The following TOMM70 variants were observed in gnomAD, a reference collection of about 807,000 sequenced individuals.
The protein encoded by TOMM70 is translocase of outer mitochondrial membrane 70.
In TOMM70, 13 loss-of-function variants were observed where a neutral mutation model predicts 73.6. The observed-to-expected ratio is 0.18, with a 90% CI of 0.11 to 0.28. TOMM70 has a LOEUF of 0.28. Among genes scored for constraint, TOMM70 ranks in the 10% least tolerant of loss-of-function variants. The pLI is 1.00. For missense variants in TOMM70, 609 were observed against 747.5 expected (o/e 0.81, Z 2.16); for synonymous variants, 257 against 271.2 (o/e 0.95, Z 0.51).
intron 1 of TOMM70, 130 bp downstream of exon 1, chr3:100,400,496 C>T: frequency 9.7e-7 from 1 of 1,031,052 alleles, no homozygotes; most frequent in Non-Finnish European, 1.4e-6. Flanking sequence ...AAATGAGTCT[C>T]CCTAAACCCA....
intron 1 of TOMM70, among the ~76,000 whole-genome samples, chr3:100,391,868 T>G (rs1385667993): frequency 2.0e-5 from 3 of 152,224 alleles, no homozygotes; most frequent in African/African-American, 7.2e-5. Context: ...TACAGTAGCA[T>G]TCAGTAATGT....
intron 6 of TOMM70, 111 bp downstream of exon 6, chr3:100,377,594 A>C: frequency 1.0e-6 from 1 of 1,003,820 alleles, no homozygotes; most frequent in Admixed American, 2.3e-5. Context: ...TCAAAAACAA[A>C]AACAGCCCTT....
At chr3:100,388,390 G>A (rs1230424265) in intron 1 of TOMM70, among the ~76,000 whole-genome samples, 1 of 152,138 alleles carries the variant, frequency 6.6e-6, no homozygotes, top group Non-Finnish European at 1.5e-5. Flanking sequence ...TTAGAGTAGG[G>A]CTGTGTCATT....
At position 100,381,616 on chromosome 3, in the gene TOMM70, T is replaced by G; in HGVS notation, c.883A>C (p.Asn295His). 1 of 1,612,604 alleles carries G rather than the reference T, an allele frequency of 6.2e-7. No individual in the cohort carries two copies. The highest frequency in any genetic ancestry group is 8.5e-7 in the Non-Finnish European group (1 of 1,179,204). ...KEGEALEVKENSGYLKAKQYM... is the reference protein window; with the variant it reads ...KEGEALEVKEHSGYLKAKQYM... ...AGACACTATGCTTGACATACTTACT[T>G]TTCTTTCACTTCTAAAGCCTCCCCT... Residue 295 changes from asparagine to histidine, a missense_variant and splice_region_variant, in exon 5 of 12, where the codon AAT becomes CAT. Asn to His is a moderately conservative substitution (Grantham distance 68). Transcript: ENST00000284320.
intron 7 of TOMM70, among the ~76,000 whole-genome samples, chr3:100,374,375 C>G (rs1706541331): frequency 6.6e-6 from 1 of 152,168 alleles, no homozygotes; most frequent in South Asian, 2.1e-4. Context: ...ATGCACTTCC[C>G]TGGCAGGACA....
At chr3:100,385,076 T>C (rs1297012566) in intron 3 of TOMM70, among the ~76,000 whole-genome samples, 1 of 152,216 alleles carries the variant, frequency 6.6e-6, no homozygotes, top group African/African-American at 2.4e-5. Flanking sequence ...AAGTAAGTGG[T>C]TCCTTAACCT....
At chr3:100,377,099 G>T (rs760121836) in intron 6 of TOMM70, among the ~76,000 whole-genome samples, 8 of 152,194 alleles carry the variant, frequency 5.3e-5, no homozygotes, top group Non-Finnish European at 8.8e-5. Context: ...ACAGGTCACA[G>T]AGATGTTAAC....
chr3:100,397,175 AC>A (rs1348170011), intron 1 of TOMM70, among the ~76,000 whole-genome samples: 1 of 152,232 alleles, frequency 6.6e-6, no homozygotes, highest in Non-Finnish European at 1.5e-5. Context: ...TGCGAAATCC[AC>A]CGAGGATGCC....
rs1706418386 is a variant in TOMM70, at chr3:100,363,696, A to G, written c.*1868T>C. 1 of 152,632 alleles carries G rather than the reference A, an allele frequency of 6.6e-6. No homozygotes were observed. Among genetic ancestry groups the G allele is most frequent in the Admixed American group, 6.5e-5 (1 of 15,270 alleles). The allele number at this position is 152,632 out of a possible 1,614,324, so 9.5% of individuals were successfully genotyped here. The stretch of plus-strand genomic sequence containing the variant: ...GAAGAAAATGTCAGTGTTAATGTAA[A>G]TACAGCCATGCAAATAAAAACTTTT... On this transcript the variant is annotated 3_prime_UTR_variant, in exon 12 of 12. Transcript: ENST00000284320.
chr3:100,390,358 A>G (rs1224936354), intron 1 of TOMM70, among the ~76,000 whole-genome samples: 1 of 152,216 alleles, frequency 6.6e-6, no homozygotes, highest in African/African-American at 2.4e-5. Context: ...TACACCACAT[A>G]ACAATGTTTT....
In TOMM70 at chr3:100,375,025, C is replaced by T. The variant is rs1373386727; in HGVS notation, c.1220G>A (p.Arg407Gln). The T allele has an allele frequency of 4.4e-6, 7 of 1,604,798 alleles. No individual in the cohort carries two copies. The highest frequency in any genetic ancestry group is 1.3e-5 in the African/African-American group (1 of 74,528). Residue 407 changes from arginine to glutamine, a missense_variant, in exon 7 of 12, where the codon CGA (arginine) becomes CAA (glutamine). Physicochemically the swap from Arg to Gln is conservative, Grantham distance 43. This residue lies in a region of TOMM70 where 432 missense variants were observed against 584.1 expected (regional missense o/e 0.74). Coordinates refer to ENST00000284320, the MANE Select transcript of TOMM70 (RefSeq NM_014820.5). ...GTAAGAAAACAGACTTACCTGTCCT[C>T]GGTGGTGATAAACATCTGCATTCTG... ...DPQNADVYHH[R>Q]GQLKILLDQV... is the part of the protein sequence containing the mutation.
intron 5 of TOMM70, among the ~76,000 whole-genome samples, chr3:100,381,338 G>A (rs755513651): frequency 2.6e-5 from 4 of 152,032 alleles, no homozygotes; most frequent in East Asian, 1.9e-4. Flanking sequence ...GGATTCAATC[G>A]GAGTCCTTTT....
chr3:100,386,181 A>C, intron 3 of TOMM70, 37 bp downstream of exon 3: 1 of 1,588,690 alleles, frequency 6.3e-7, no homozygotes, highest in Middle Eastern at 1.7e-4. Flanking sequence ...ACAAAATATT[A>C]AGTAATTTTC....
intron 7 of TOMM70, among the ~76,000 whole-genome samples, chr3:100,374,381 G>A (rs752336245): frequency 6.6e-6 from 1 of 152,162 alleles, no homozygotes; most frequent in Non-Finnish European, 1.5e-5. Context: ...TTCCCTGGCA[G>A]GACACATGAC....
At chr3:100,382,284 G>C (rs540890850) in intron 4 of TOMM70, among the ~76,000 whole-genome samples, 1 of 152,260 alleles carries the variant, frequency 6.6e-6, no homozygotes, top group East Asian at 1.9e-4. Flanking sequence ...TCAGCCCAAA[G>C]AGTTTAATGG....
rs751808735 is a variant in TOMM70 at position 100,365,299 on chromosome 3, T to G, written c.*265A>C. 4 of 387,076 alleles carry G rather than the reference T, an allele frequency of 1.0e-5. No homozygotes were observed. Among genetic ancestry groups the G allele is most frequent in the Non-Finnish European group, 1.8e-5 (4 of 216,792 alleles). The allele number at this position is 387,076 out of a possible 1,614,324, so 24.0% of individuals were successfully genotyped here. On this transcript the variant is annotated 3_prime_UTR_variant, in exon 12 of 12. Coordinates refer to ENST00000284320, the MANE Select transcript of TOMM70 (RefSeq NM_014820.5). ...TTTTTATTTGCATGGCCAATTATCA[T>G]TTGTACTCTTTGCAACTTTATTTAA...
chr3:100,367,364 TAAG>T (rs1706456674), intron 11 of TOMM70, among the ~76,000 whole-genome samples: 1 of 152,112 alleles, frequency 6.6e-6, no homozygotes, highest in Non-Finnish European at 1.5e-5. Context: ...GATAGGGAAT[TAAG>T]AAAACTCATG....
At chr3:100,390,254 T>C (rs1468534139) in intron 1 of TOMM70, among the ~76,000 whole-genome samples, 1 of 152,212 alleles carries the variant, frequency 6.6e-6, no homozygotes, top group Non-Finnish European at 1.5e-5. Context: ...AGGACCATAC[T>C]GTAGACTAGT....
intron 1 of TOMM70, among the ~76,000 whole-genome samples, chr3:100,396,759 C>G (rs1381481445): frequency 6.6e-6 from 1 of 152,144 alleles, no homozygotes; most frequent in Non-Finnish European, 1.5e-5. Flanking sequence ...ATACTTTAAG[C>G]ACCTCAGTCT....
Sources: gnomAD v4.1 joint callset for allele counts (sites outside exome capture counted in the v4.1 genomes callset) on GRCh38, gnomAD v4.1.1 for gene constraint, gnomAD v4.1.1 regional missense constraint, MANE v1.5 for transcripts, NCBI Gene and HGNC (gene_info 2026-07-23, HGNC 2026-07-21) for gene names.